The following BUB1B variants were observed in gnomAD, a reference collection of about 807,000 sequenced individuals.
BUB1B encodes BUB1 mitotic checkpoint serine/threonine kinase B.
A neutral mutation model predicts 137.7 loss-of-function variants in BUB1B; 86 were observed. That is an observed-to-expected ratio of 0.62 (90% CI 0.52 to 0.75). BUB1B has a LOEUF of 0.75. Among genes scored for constraint, BUB1B ranks in the 30% least tolerant of loss-of-function variants. BUB1B has a pLI of 0.00. For missense variants in BUB1B, 1,130 were observed against 1,236.9 expected (o/e 0.91, Z 1.30); for synonymous variants, 420 against 417.9 (o/e 1.00, Z -0.06).
Position 40,176,634 on chromosome 15 carries a change from A to G in BUB1B, c.542A>G (p.Gln181Arg), listed in dbSNP as rs375798678. ...ADAIFQEGIQ[Q>R]KAEPLERLQS... ...GCGATATTTCAGGAAGGGATTCAAC[A>G]GAAGGCTGAACCACTAGAAAGACTA... Residue 181 changes from glutamine (Q) to arginine (R), a missense_variant, in exon 5 of 23, where the codon CAG becomes CGG. Physicochemically the swap from Gln to Arg is conservative, Grantham distance 43. Transcript: ENST00000287598. 127 of 1,614,076 alleles carry G rather than the reference A, an allele frequency of 7.9e-5. No individual in the cohort carries two copies. The highest frequency in any genetic ancestry group is 1.0e-4 in the Non-Finnish European group (120 of 1,180,026).
At chr15:40,212,393 CTCTT>C in intron 18 of BUB1B, 102 bp from the exon 19 acceptor site, 1 of 855,796 alleles carries the variant, frequency 1.2e-6, no homozygotes, top group Non-Finnish European at 1.9e-6. Context: ...TTAAAAATAT[CTCTT>C]TATTATTTCT....
At chr15:40,217,419 T>TC in intron 20 of BUB1B, 77 bp from the exon 21 acceptor site, 1 of 1,497,342 alleles carries the variant, frequency 6.7e-7, no homozygotes, top group East Asian at 2.3e-5. Flanking sequence ...CAAGGTACCT[T>TC]TTTTTTTTAA....
rs2140912298 is a variant in BUB1B at position 40,218,467 on chromosome 15, T to C, written c.2862T>C (p.Phe954=). 2 of 1,613,168 alleles carry C rather than the reference T, an allele frequency of 1.2e-6. No individual in the cohort carries two copies. The highest frequency in any genetic ancestry group is 1.7e-6 in the Non-Finnish European group (2 of 1,179,224). ...NCSSPYQVDL[F]GIADLAHLLL... ...TTTTGTGATTTCAGGTAGACCTGTT[T>C]GGTATAGCAGATTTAGCACATTTAC... The change falls in exon 22 of 23, where the codon TTT becomes TTC. Residue 954 remains phenylalanine (F), a synonymous_variant. Transcript: ENST00000287598.
At chr15:40,201,721 C>T (rs1249994435) in intron 12 of BUB1B, among the ~76,000 whole-genome samples, 4 of 152,112 alleles carry the variant, frequency 2.6e-5, no homozygotes, top group Non-Finnish European at 4.4e-5. Flanking sequence ...GGCTGGAGTG[C>T]GGTGGCGCGA....
chr15:40,209,918 T>G, intron 17 of BUB1B, 143 bp downstream of exon 17: 2 of 1,078,370 alleles, frequency 1.9e-6, no homozygotes, highest in Non-Finnish European at 2.8e-6. Flanking sequence ...GACACATCAG[T>G]AACTTCATGT....
intron 8 of BUB1B, among the ~76,000 whole-genome samples, chr15:40,186,398 A>T (rs936657928): frequency 7.0e-6 from 1 of 143,804 alleles, no homozygotes; most frequent in Middle Eastern, 3.7e-3. Flanking sequence ...AGCCAGCCTG[A>T]GATTTAGTCT....
chr15:40,167,177 GTT>G (rs573448255), intron 2 of BUB1B, among the ~76,000 whole-genome samples: 2 of 135,628 alleles, frequency 1.5e-5, no homozygotes, highest in Non-Finnish European at 3.2e-5. Context: ...TTTTCTGGGT[GTT>G]TTTTTTTTTT....
chr15:40,205,345 A>G (rs1009203789), intron 14 of BUB1B, among the ~76,000 whole-genome samples: 1 of 152,152 alleles, frequency 6.6e-6, no homozygotes, highest in African/African-American at 2.4e-5. Context: ...ATTGGTAATG[A>G]TCTAGAAAAT....
At position 40,199,729 on chromosome 15, in the gene BUB1B, T is replaced by TA; in HGVS notation, c.1401+4dup. On this transcript the variant is annotated splice_region_variant and intron_variant, in intron 10 of 22. Coordinates refer to ENST00000287598, the MANE Select transcript of BUB1B (RefSeq NM_001211.6). ...CAGCAAGAAAGAACAGGTGATCAGGTAATTTTTCTTTTTTCATACACAAAA... is the reference window on the plus strand; with the variant it reads ...CAGCAAGAAAGAACAGGTGATCAGGTAAATTTTTCTTTTTTCATACACAAAA... The TA allele has an allele frequency of 6.2e-7, 1 of 1,606,854 alleles. No homozygotes were observed. Among genetic ancestry groups the TA allele is most frequent in the Non-Finnish European group, 8.5e-7 (1 of 1,173,598 alleles).
Position 40,196,732 on chromosome 15 carries a change from C to A in BUB1B, c.1246C>A (p.Arg416=), listed in dbSNP as rs755579898. ...GVGEFSFEEI[R]AEVFRKKLKE... Reference sequence around the variant, plus strand: ...AGGGGAATTCTCCTTTGAAGAAATTCGGGCTGAAGTTTTCCGGAAGAAATT... The same window carrying A: ...AGGGGAATTCTCCTTTGAAGAAATTAGGGCTGAAGTTTTCCGGAAGAAATT... Residue 416 remains arginine, a synonymous_variant, in exon 9 of 23, where the codon CGG becomes AGG. Transcript: ENST00000287598. 3.0e-5 allele frequency: 48 copies of A among 1,613,938 alleles called. No individual in the cohort carries two copies. In the South Asian group the frequency reaches 5.2e-4, roughly 17 times the overall value.
Position 40,200,285 on chromosome 15 carries a change from A to G in BUB1B, c.1443A>G (p.Gln481=), listed in dbSNP as rs754657047. 19 of 1,613,814 alleles carry G rather than the reference A, an allele frequency of 1.2e-5. No individual in the cohort carries two copies. In the African/African-American group the frequency reaches 2.4e-4, roughly 20 times the overall value. ...CTACAAAGGAGACAACTAAACTGCA[A>G]ATTGCTTCCGAGTCTCAGAAAATAC... ...TMPTKETTKL[Q]IASESQKIPG... Residue 481 remains glutamine, a synonymous_variant, in exon 11 of 23, where the codon CAA becomes CAG. Transcript: ENST00000287598.
At chr15:40,180,718 C>T (rs1274202266) in intron 5 of BUB1B, among the ~76,000 whole-genome samples, 6 of 134,380 alleles carry the variant, frequency 4.5e-5, no homozygotes, top group African/African-American at 1.4e-4. Flanking sequence ...GGCGCAATCT[C>T]GGCTCACTGC....
At chr15:40,205,028 C>T (rs2037620407) in intron 14 of BUB1B, among the ~76,000 whole-genome samples, 1 of 151,102 alleles carries the variant, frequency 6.6e-6, no homozygotes, top group Non-Finnish European at 1.5e-5. Flanking sequence ...CTCACTGCAG[C>T]CTCCGCCTCC....
chr15:40,163,592 A>G (rs1379898258), intron 1 of BUB1B, among the ~76,000 whole-genome samples: 2 of 152,210 alleles, frequency 1.3e-5, no homozygotes, highest in Non-Finnish European at 2.9e-5. Context: ...TAACCCACCA[A>G]CACTATGACT....
Position 40,165,064 on chromosome 15 carries a change from C to T in BUB1B, c.47C>T (p.Ser16Phe), listed in dbSNP as rs1364339094. 1 of 1,614,114 alleles carries T rather than the reference C, an allele frequency of 6.2e-7. No individual in the cohort carries two copies. Among genetic ancestry groups the T allele is most frequent in the Non-Finnish European group, 8.5e-7 (1 of 1,180,014 alleles). The stretch of plus-strand genomic sequence containing the variant: ...TTCCTTCTTCACAGTGAAGCCATGT[C>T]CCTGGAGGGAGATGAATGGGAACTG... ...KEGGALSEAM[S>F]LEGDEWELSK... Residue 16 changes from serine (S) to phenylalanine (F), a missense_variant, in exon 2 of 23, where the codon TCC becomes TTC. Ser to Phe is a radical substitution (Grantham distance 155). Coordinates refer to ENST00000287598, the MANE Select transcript of BUB1B (RefSeq NM_001211.6).
At chr15:40,161,329 C>T (rs1368398927) in intron 1 of BUB1B, 74 bp downstream of exon 1, 3 of 1,528,132 alleles carry the variant, frequency 2.0e-6, no homozygotes, top group Non-Finnish European at 2.7e-6. Flanking sequence ...AGGCTCCGCT[C>T]GGAGCAGTCG....
chr15:40,182,700 G>A (rs1033684350), intron 5 of BUB1B, among the ~76,000 whole-genome samples: 2 of 152,216 alleles, frequency 1.3e-5, no homozygotes, highest in Admixed American at 1.3e-4. Flanking sequence ...AGATCCTCTT[G>A]TTCAGCTCAT....
At chr15:40,215,071 T>C (rs997117265) in intron 20 of BUB1B, among the ~76,000 whole-genome samples, 3 of 152,210 alleles carry the variant, frequency 2.0e-5, no homozygotes, top group Admixed American at 2.0e-4. Context: ...TCTCAGCCAC[T>C]AGAGGCTCTA....
rs1456788255 is a variant in BUB1B at position 40,209,742 on chromosome 15, C to T, written c.2251C>T (p.Pro751Ser). 6.2e-7 allele frequency: 1 copy of T among 1,614,072 alleles called. No individual in the cohort carries two copies. The highest frequency in any genetic ancestry group is 1.7e-5 in the Admixed American group (1 of 60,014). Reference sequence around the variant, plus strand: ...GTTGTGTATAGAAGACAGACCAATGCCTAAGTTGGAAATTGAGAAGGAAAT... The same window carrying T: ...GTTGTGTATAGAAGACAGACCAATGTCTAAGTTGGAAATTGAGAAGGAAAT... The part of the protein sequence containing the change: ...AELCIEDRPM[P>S]KLEIEKEIEL... The change falls in exon 17 of 23, where the codon CCT becomes TCT. Residue 751 changes from proline (P) to serine (S), a missense_variant. Physicochemically the swap from Pro to Ser is moderately conservative, Grantham distance 74. Coordinates refer to ENST00000287598, the MANE Select transcript of BUB1B (RefSeq NM_001211.6).
Sources: gnomAD v4.1 joint callset for allele counts (sites outside exome capture counted in the v4.1 genomes callset) on GRCh38, gnomAD v4.1.1 for gene constraint, MANE v1.5 for transcripts, NCBI Gene and HGNC (gene_info 2026-07-23, HGNC 2026-07-21) for gene names.